Variants in ARRB1 observed in about 807,000 individuals in gnomAD.
ARRB1 encodes the protein beta-arrestin-1.
ARRB1 carries 21 observed loss-of-function variants against 56.8 expected under a neutral mutation model. That is an observed-to-expected ratio of 0.37 (90% CI 0.26 to 0.53). ARRB1 has a LOEUF of 0.53. Among genes scored for constraint, ARRB1 ranks in the 20% least tolerant of loss-of-function variants. The pLI, the probability that ARRB1 is intolerant of heterozygous loss-of-function variation, is 0.88. For missense variants in ARRB1, 424 were observed against 553.7 expected (o/e 0.77, Z 2.35); for synonymous variants, 210 against 218.6 (o/e 0.96, Z 0.35).
intron 1 of ARRB1, among the ~76,000 whole-genome samples, chr11:75,334,042 C>T (rs1454947970): frequency 1.2e-4 from 19 of 152,242 alleles, no homozygotes; most frequent in Admixed American, 1.2e-3. Flanking sequence ...ACAGAAGGTC[C>T]CATCCCAGGC....
chr11:75,287,821 C>G (rs1482909659), intron 2 of ARRB1, among the ~76,000 whole-genome samples: 1 of 152,240 alleles, frequency 6.6e-6, no homozygotes, highest in Admixed American at 6.5e-5. Context: ...CCCATGCAGC[C>G]AGGCGGGGAT....
At chr11:75,281,183 C>G in intron 6 of ARRB1, 41 bp from the exon 7 acceptor site, 1 of 1,554,522 alleles carries the variant, frequency 6.4e-7, no homozygotes, top group African/African-American at 1.4e-5. Context: ...CTTGGAGAAG[C>G]AGGGTCCCCA....
rs545958462 is a variant in ARRB1 at position 75,263,830 on chromosome 11, C to T, written c.*2333G>A. Among the ~76,000 whole-genome samples, 11 of 152,098 alleles carry T rather than the reference C, an allele frequency of 7.2e-5. No homozygotes were observed. The South Asian group carries it at 1.9e-3, about 26-fold the overall frequency. ...ACTGGGCTAAACCCAAAAGGGTGAG[C>T]GTGATGTTGAGGTGCAGGAGGCTCG... On this transcript the variant is annotated 3_prime_UTR_variant, in exon 16 of 16. Transcript: ENST00000420843.
Sources: allele counts gnomAD v4.1 joint callset (sites outside exome capture counted in the v4.1 genomes callset), GRCh38; gene constraint gnomAD v4.1.1; transcripts MANE v1.5; gene names NCBI Gene and HGNC (gene_info 2026-07-23, HGNC 2026-07-21).